ANKRD44: variants seen among roughly 807,000 people sequenced by gnomAD.
The protein encoded by ANKRD44 is serine/threonine-protein phosphatase 6 regulatory ankyrin repeat subunit B.
Under a neutral mutation model 116.0 loss-of-function variants are expected in ANKRD44, and 35 were observed. The ratio of observed to expected loss-of-function variants is 0.30; its 90% CI spans 0.23 to 0.40. The LOEUF is 0.40. ANKRD44 is among the 10% of genes least tolerant of loss of function. ANKRD44 has a pLI of 1.00. For missense variants in ANKRD44, 1,014 were observed against 1,242.6 expected (o/e 0.82, Z 2.77); for synonymous variants, 435 against 461.8 (o/e 0.94, Z 0.74).
chr2:197,222,858 G>A (rs965615945), intron 1 of ANKRD44, among the ~76,000 whole-genome samples: 2 of 151,610 alleles, frequency 1.3e-5, no homozygotes, highest in African/African-American at 4.9e-5. Context: ...TGTCGCCCAG[G>A]CTGAAGTACA....
At chr2:197,160,425 A>G (rs2079931044) in intron 2 of ANKRD44, among the ~76,000 whole-genome samples, 1 of 152,124 alleles carries the variant, frequency 6.6e-6, no homozygotes, top group Non-Finnish European at 1.5e-5. Flanking sequence ...TTTGTTTACA[A>G]GTAGAAGCAT....
At chr2:197,219,133 G>A (rs549534667) in intron 1 of ANKRD44, among the ~76,000 whole-genome samples, 10 of 148,264 alleles carry the variant, frequency 6.7e-5, no homozygotes, top group East Asian at 5.9e-4. Flanking sequence ...GCAGTGGTGC[G>A]ATCTCAGCTC....
At chr2:196,993,736 TG>T in intron 26 of ANKRD44, 62 bp from the exon 27 acceptor site, 3 of 1,346,114 alleles carry the variant, frequency 2.2e-6, no homozygotes, top group Non-Finnish European at 3.1e-6. Flanking sequence ...GTGGAATTTT[TG>T]TTAGCCCATG....
At chr2:197,071,265 A>G (rs1481974556) in intron 16 of ANKRD44, among the ~76,000 whole-genome samples, 1 of 152,144 alleles carries the variant, frequency 6.6e-6, no homozygotes, top group African/African-American at 2.4e-5. Context: ...TGCTCTCTCC[A>G]GATTCTTGAG....
intron 20 of ANKRD44, among the ~76,000 whole-genome samples, chr2:197,006,441 T>C (rs1441729249): frequency 1.3e-5 from 2 of 152,000 alleles, no homozygotes; most frequent in African/African-American, 4.8e-5. Context: ...CAAGACTCCA[T>C]CTCAAAAAGA....
At chr2:197,010,473 T>A (rs2076279413) in intron 18 of ANKRD44, among the ~76,000 whole-genome samples, 1 of 152,080 alleles carries the variant, frequency 6.6e-6, no homozygotes. Flanking sequence ...GCGGCCCCCA[T>A]GCGGGGCAGG....
At chr2:197,085,492 C>T (rs866741232) in intron 13 of ANKRD44, among the ~76,000 whole-genome samples, 22 of 152,146 alleles carry the variant, frequency 1.4e-4, no homozygotes, top group Middle Eastern at 6.3e-3. Flanking sequence ...GCACAAGATA[C>T]CGGTCATGAA....
At chr2:197,179,428 T>C (rs2080449807) in intron 2 of ANKRD44, among the ~76,000 whole-genome samples, 1 of 152,230 alleles carries the variant, frequency 6.6e-6, no homozygotes, top group Non-Finnish European at 1.5e-5. Context: ...TAATGTGCCT[T>C]ATTTATTCAC....
chr2:197,172,564 C>T (rs1270607672), intron 2 of ANKRD44, among the ~76,000 whole-genome samples: 1 of 152,084 alleles, frequency 6.6e-6, no homozygotes, highest in East Asian at 1.9e-4. Context: ...TCCAGCAGGG[C>T]AGGAACCCTG....
intron 4 of ANKRD44, among the ~76,000 whole-genome samples, chr2:197,128,976 T>C (rs1349370398): frequency 2.6e-5 from 4 of 152,096 alleles, no homozygotes; most frequent in Non-Finnish European, 5.9e-5. Flanking sequence ...TAAATGTAAT[T>C]ATTTTATTAT....
Position 197,102,209 on chromosome 2 carries a change from G to A in ANKRD44, c.986-2279C>T, listed in dbSNP as rs541497797. ...ACAGTTGTACTAGTTTAGTACACTC[G>A]TCTCCTATGGGTAAGCATTTAGGTT... On this transcript the variant is annotated intron_variant, in intron 9 of 27. Transcript: ENST00000282272. Among the ~76,000 whole-genome samples the A allele has an allele frequency of 3.2e-4, 49 of 152,088 alleles. 1 individual carries two copies. The highest frequency in any genetic ancestry group is 1.1e-3 in the African/African-American group (44 of 41,474).
chr2:197,305,969 A>T lies in ANKRD44; in HGVS notation c.27+4609T>A, dbSNP rs962815788. On this transcript the variant is annotated intron_variant, in intron 1 of 27. Coordinates refer to ENST00000282272, the MANE Select transcript of ANKRD44 (RefSeq NM_001195144.2). Reference sequence around the variant, plus strand: ...TCCTATAATGACCGCAGTTCGTTTTATATATATATATATATATATATATGA... The same window carrying T: ...TCCTATAATGACCGCAGTTCGTTTTTTATATATATATATATATATATATGA... Among the ~76,000 whole-genome samples the T allele has an allele frequency of 3.8e-5, 5 of 132,478 alleles. 1 individual carries two copies. Among genetic ancestry groups the T allele is most frequent in the African/African-American group, 1.7e-4 (5 of 28,674 alleles). The allele number at this position is 132,478 out of a possible 152,430, so 86.9% of individuals were successfully genotyped here.
At chr2:197,144,952 T>G (rs941797156) in intron 3 of ANKRD44, among the ~76,000 whole-genome samples, 1 of 152,214 alleles carries the variant, frequency 6.6e-6, no homozygotes, top group African/African-American at 2.4e-5. Flanking sequence ...TGTACATTCA[T>G]GAAACATTCC....
At chr2:197,020,265 A>G (rs2076472053) in intron 17 of ANKRD44, among the ~76,000 whole-genome samples, 1 of 152,212 alleles carries the variant, frequency 6.6e-6, no homozygotes, top group Admixed American at 6.5e-5. Flanking sequence ...TAAGTTAAAG[A>G]GACCTAATAC....
At chr2:197,156,748 A>C (rs1460245935) in intron 2 of ANKRD44, among the ~76,000 whole-genome samples, 3 of 152,254 alleles carry the variant, frequency 2.0e-5, no homozygotes, top group Non-Finnish European at 2.9e-5. Context: ...CACATAATGG[A>C]ACACTACTCA....
Position 197,126,027 on chromosome 2 carries a change from T to C in ANKRD44, c.272A>G (p.Gln91Arg). 6.2e-7 allele frequency: 1 copy of C among 1,614,234 alleles called. No homozygotes were observed. The highest frequency in any genetic ancestry group is 8.5e-7 in the Non-Finnish European group (1 of 1,180,036). ...AVASRSEEAV[Q>R]VLIKHSADVN... ...ATCAGCTGAGTGCTTAATCAAAACC[T>C]GTACTGCTTCCTACAACAAAAGCAG... is the stretch of plus-strand genomic sequence containing the variant. The change falls in exon 5 of 28, where the codon CAG (glutamine) becomes CGG (arginine). Residue 91 changes from glutamine to arginine, a missense_variant. Physicochemically the swap from Gln to Arg is conservative, Grantham distance 43. Transcript: ENST00000282272.
Position 196,989,629 on chromosome 2 carries a change from G to A in ANKRD44, c.2944C>T (p.Arg982Cys), listed in dbSNP as rs769399277. 68 of 1,550,048 alleles carry A rather than the reference G, an allele frequency of 4.4e-5. No individual in the cohort carries two copies. In the African/African-American group the frequency reaches 5.1e-4, roughly 12 times the overall value. ...TGTACAGCGGTTCCAGGTGTGGAACGGGGTCCATTTGACCTAGAAGCTTTG... is the reference window on the plus strand; with the variant it reads ...TGTACAGCGGTTCCAGGTGTGGAACAGGGTCCATTTGACCTAGAAGCTTTG... ...DENASRSNGP[R>C]STPGTAVQKE... The change falls in exon 28 of 28, where the codon CGT (arginine) becomes TGT (cysteine). Residue 982 changes from arginine (R) to cysteine (C), a missense_variant. Transcript: ENST00000282272.
chr2:197,059,766 A>G (rs550240833), intron 16 of ANKRD44, among the ~76,000 whole-genome samples: 3 of 152,350 alleles, frequency 2.0e-5, no homozygotes, highest in East Asian at 1.9e-4. Flanking sequence ...TACTGTGTCA[A>G]TTACAACTTT....
chr2:197,146,894 A>C, intron 3 of ANKRD44, 133 bp downstream of exon 3: 1 of 609,996 alleles, frequency 1.6e-6, no homozygotes, highest in East Asian at 3.0e-5. Context: ...TGTAATGATA[A>C]AATCGCCTAT....
Sources: allele counts gnomAD v4.1 joint callset (sites outside exome capture counted in the v4.1 genomes callset), GRCh38; gene constraint gnomAD v4.1.1; transcripts MANE v1.5; gene names NCBI Gene and HGNC (gene_info 2026-07-23, HGNC 2026-07-21).